EYA2: variants seen among roughly 807,000 people sequenced by gnomAD.
The protein encoded by EYA2 is protein phosphatase EYA2.
EYA2 carries 31 observed loss-of-function variants against 69.2 expected under a neutral mutation model. The ratio of observed to expected loss-of-function variants is 0.45; its 90% CI spans 0.34 to 0.60. The LOEUF is 0.60. Among genes scored for constraint, EYA2 ranks in the 20% least tolerant of loss-of-function variants. The pLI is 0.02. For synonymous variants in EYA2, 257 were observed against 279.4 expected (o/e 0.92, Z 0.80); for missense variants, 622 against 701.2 (o/e 0.89, Z 1.28).
At chr20:47,101,511 A>T (rs959141633) in intron 9 of EYA2, among the ~76,000 whole-genome samples, 4 of 152,206 alleles carry the variant, frequency 2.6e-5, no homozygotes, top group African/African-American at 9.7e-5. Context: ...TGTACTCTTT[A>T]TTTGAGGCTG....
At chr20:47,127,884 G>A (rs200733854) in intron 9 of EYA2, among the ~76,000 whole-genome samples, 12 of 152,364 alleles carry the variant, frequency 7.9e-5, no homozygotes, top group East Asian at 7.7e-4. Flanking sequence ...TGACAAGAGC[G>A]AAACAGACAG....
rs1404156777 is a variant in EYA2, at chr20:47,138,986, T to A, written c.889-4073T>A. On this transcript the variant is annotated intron_variant, in intron 9 of 15. Transcript: ENST00000327619. Reference sequence around the variant, plus strand: ...AGTACATAATGCAATCAGAAAACTTTTTTTCACTCCAGTGTATTTTTTGAT... The same window carrying A: ...AGTACATAATGCAATCAGAAAACTTATTTTCACTCCAGTGTATTTTTTGAT... 2.0e-5 allele frequency among the ~76,000 whole-genome samples: 3 copies of A among 152,194 alleles called. No individual in the cohort carries two copies. In the South Asian group the frequency reaches 6.2e-4, roughly 32 times the overall value.
intron 9 of EYA2, among the ~76,000 whole-genome samples, chr20:47,122,990 A>C (rs1328168327): frequency 6.6e-6 from 1 of 152,182 alleles, no homozygotes; most frequent in Non-Finnish European, 1.5e-5. Context: ...ACCTCAGACA[A>C]GTCACTTTGC....
chr20:47,156,156 A>G, intron 10 of EYA2, among the ~76,000 whole-genome samples: 1 of 38,244 alleles, frequency 2.6e-5, no homozygotes, highest in South Asian at 1.0e-3. Context: ...ATATATATAT[A>G]TATATATATA....
At chr20:47,022,766 G>A (rs6012099) in intron 5 of EYA2, among the ~76,000 whole-genome samples, 137,294 of 151,162 alleles carry the variant, frequency 0.91, 62,813 homozygotes, top group Non-Finnish European at 0.96. Flanking sequence ...TGATTCTCCC[G>A]CCTCAGCCTT....
At chr20:47,106,198 T>G (rs1432580429) in intron 9 of EYA2, among the ~76,000 whole-genome samples, 1 of 152,210 alleles carries the variant, frequency 6.6e-6, no homozygotes, top group Non-Finnish European at 1.5e-5. Flanking sequence ...GGGCCACATT[T>G]TTCCTCTTGC....
intron 2 of EYA2, among the ~76,000 whole-genome samples, chr20:46,992,501 A>C (rs982994801): frequency 1.3e-5 from 2 of 152,216 alleles, no homozygotes; most frequent in African/African-American, 4.8e-5. Flanking sequence ...TAACCAGGTT[A>C]AAGTCACACC....
At chr20:46,945,940 G>A (rs1978427971) in intron 1 of EYA2, among the ~76,000 whole-genome samples, 1 of 152,174 alleles carries the variant, frequency 6.6e-6, no homozygotes, top group South Asian at 2.1e-4. Flanking sequence ...TCTCACGCTG[G>A]CTTGCAGTTT....
chr20:46,897,514 C>T (rs549454529), intron 1 of EYA2, among the ~76,000 whole-genome samples: 79 of 152,320 alleles, frequency 5.2e-4, no homozygotes, highest in African/African-American at 1.5e-3. Context: ...GAAATCCAAC[C>T]GTAACCAGCT....
intron 1 of EYA2, among the ~76,000 whole-genome samples, chr20:46,923,089 C>T (rs905241552): frequency 1.3e-5 from 2 of 152,168 alleles, no homozygotes; most frequent in African/African-American, 4.8e-5. Context: ...TAGATGAGGC[C>T]GGGCACGGTG....
intron 1 of EYA2, among the ~76,000 whole-genome samples, chr20:46,979,192 C>T (rs561976675): frequency 2.6e-5 from 4 of 152,340 alleles, no homozygotes; most frequent in African/African-American, 7.2e-5. Flanking sequence ...GCGGCCCACC[C>T]GCCTGGGACC....
intron 5 of EYA2, among the ~76,000 whole-genome samples, chr20:47,019,530 G>A (rs756121117): frequency 1.3e-5 from 2 of 151,938 alleles, no homozygotes; most frequent in Non-Finnish European, 2.9e-5. Context: ...ACTACTGAGA[G>A]CATTTCAGAA....
intron 7 of EYA2, among the ~76,000 whole-genome samples, chr20:47,087,940 G>C (rs1185616658): frequency 6.6e-6 from 1 of 152,204 alleles, no homozygotes; most frequent in Non-Finnish European, 1.5e-5. Context: ...ATTTAATAGA[G>C]AAGTGGCGGG....
chr20:47,038,472 T>TA (rs1317420211), intron 5 of EYA2, among the ~76,000 whole-genome samples: 17 of 152,086 alleles, frequency 1.1e-4, no homozygotes, highest in African/African-American at 3.6e-4. Context: ...GCCTGGGTGA[T>TA]AGAGTGAGAC....
intron 1 of EYA2, among the ~76,000 whole-genome samples, chr20:46,944,959 C>T (rs1978365216): frequency 6.6e-6 from 1 of 152,048 alleles, no homozygotes; most frequent in Non-Finnish European, 1.5e-5. Context: ...CAAAAATTAG[C>T]CAGGCGCGGT....
intron 8 of EYA2, among the ~76,000 whole-genome samples, chr20:47,089,758 A>G (rs889414004): frequency 6.6e-6 from 1 of 152,180 alleles, no homozygotes; most frequent in Non-Finnish European, 1.5e-5. Context: ...AGAGTCCCTG[A>G]TAAAGAAAAG....
At chr20:47,165,987 C>T (rs1246623508) in intron 10 of EYA2, among the ~76,000 whole-genome samples, 1 of 151,972 alleles carries the variant, frequency 6.6e-6, no homozygotes, top group Admixed American at 6.6e-5. Flanking sequence ...CCCAGAAATT[C>T]AAGACCAGCC....
intron 1 of EYA2, among the ~76,000 whole-genome samples, chr20:46,898,394 AAC>A (rs3085766): frequency 0.36 from 52,735 of 146,268 alleles, 9,622 homozygotes; most frequent in East Asian, 0.63. Flanking sequence ...GTTGACAGAA[AAC>A]ACACACACAC....
intron 7 of EYA2, 71 bp from the exon 8 acceptor site, chr20:47,089,168 T>A: frequency 6.4e-7 from 1 of 1,569,666 alleles, no homozygotes; most frequent in Middle Eastern, 1.7e-4. Flanking sequence ...GACGGTGCTG[T>A]TGGGATATTT....
Sources: gnomAD v4.1 joint callset for allele counts (sites outside exome capture counted in the v4.1 genomes callset) on GRCh38, gnomAD v4.1.1 for gene constraint, MANE v1.5 for transcripts, NCBI Gene and HGNC (gene_info 2026-07-23, HGNC 2026-07-21) for gene names.